Variants in RGS22 observed in about 807,000 individuals in gnomAD.
RGS22 encodes regulator of G-protein signaling 22.
Under a neutral mutation model 172.9 loss-of-function variants are expected in RGS22, and 148 were observed. The observed-to-expected ratio is 0.86, with a 90% confidence interval of 0.75 to 0.98. The LOEUF is 0.98. RGS22 is among the 50% of genes least tolerant of loss of function. The pLI is 0.00. For synonymous variants in RGS22, 458 were observed against 480.2 expected (o/e 0.95, Z 0.60); for missense variants, 1,347 against 1,440.8 (o/e 0.93, Z 1.05).
At chr8:99,994,302 G>A (rs937615055) in intron 20 of RGS22, among the ~76,000 whole-genome samples, 17 of 152,198 alleles carry the variant, frequency 1.1e-4, no homozygotes, top group African/African-American at 3.9e-4. Flanking sequence ...GGGTATTCAA[G>A]TAGGAAAAGA....
intron 11 of RGS22, 29 bp from the exon 12 acceptor site, chr8:100,041,945 A>G: frequency 7.0e-7 from 1 of 1,431,738 alleles, no homozygotes; most frequent in Non-Finnish European, 9.8e-7. Flanking sequence ...AACTAAAATT[A>G]TAAGAATGAG....
intron 15 of RGS22, among the ~76,000 whole-genome samples, chr8:100,006,634 C>T (rs1815752024): frequency 6.6e-6 from 1 of 152,186 alleles, no homozygotes; most frequent in African/African-American, 2.4e-5. Context: ...AGACCATTTT[C>T]TATTTCTCTA....
At chr8:100,097,136 C>T (rs1813039165) in intron 2 of RGS22, among the ~76,000 whole-genome samples, 1 of 152,100 alleles carries the variant, frequency 6.6e-6, no homozygotes, top group Non-Finnish European at 1.5e-5. Context: ...AGCAAGACAG[C>T]ATAGCAGGTG....
At position 100,106,012 on chromosome 8, in the gene RGS22, C is replaced by T; in HGVS notation, c.-91G>A. On this transcript the variant is annotated 5_prime_UTR_variant, in exon 1 of 28. Transcript: ENST00000360863. ...GCGGGTCAGGGCCTGAGCGACGCGGCGACGGCGCGCGGGCTCCGGAGCTAC... is the reference window on the plus strand; with the variant it reads ...GCGGGTCAGGGCCTGAGCGACGCGGTGACGGCGCGCGGGCTCCGGAGCTAC... 2.5e-6 allele frequency: 3 copies of T among 1,198,178 alleles called. No homozygotes were observed. Among genetic ancestry groups the T allele is most frequent in the Non-Finnish European group, 3.1e-6 (3 of 966,884 alleles). The allele number at this position is 1,198,178 out of a possible 1,614,324, so 74.2% of individuals were successfully genotyped here. A position where few individuals can be genotyped will look rare whatever the true frequency, so the allele number is the denominator to read the frequency against.
At chr8:100,043,284 G>A (rs548540979) in intron 11 of RGS22, among the ~76,000 whole-genome samples, 17 of 151,998 alleles carry the variant, frequency 1.1e-4, no homozygotes, top group South Asian at 2.1e-4. Context: ...CCTCCTGCCC[G>A]TGGTTAATCT....
In RGS22 at chr8:99,987,607, T is replaced by C. The variant is rs1813244111; in HGVS notation, c.3031A>G (p.Lys1011Glu). 1.2e-6 allele frequency: 2 copies of C among 1,604,322 alleles called. No individual in the cohort carries two copies. Among genetic ancestry groups the C allele is most frequent in the African/African-American group, 2.7e-5 (2 of 74,776 alleles). Residue 1011 changes from lysine (K) to glutamate (E), a missense_variant, in exon 21 of 28, where the codon AAG becomes GAG. Coordinates refer to ENST00000360863, the MANE Select transcript of RGS22 (RefSeq NM_015668.5). ...KIGVWKPVES[K>E]WISSSCKIIA... Reference sequence around the variant, plus strand: ...ATTTTACAAGATGAAGAGATCCACTTACTCTCCACAGGCTGTCCAAAGCAG... The same window carrying C: ...ATTTTACAAGATGAAGAGATCCACTCACTCTCCACAGGCTGTCCAAAGCAG...
At chr8:100,103,275 A>G (rs888734538) in intron 2 of RGS22, among the ~76,000 whole-genome samples, 10 of 152,234 alleles carry the variant, frequency 6.6e-5, no homozygotes, top group Non-Finnish European at 1.5e-4. Context: ...ATTGGAGGCA[A>G]TGGTATCAGT....
intron 14 of RGS22, among the ~76,000 whole-genome samples, chr8:100,030,927 C>T (rs921496181): frequency 6.6e-6 from 1 of 151,766 alleles, no homozygotes; most frequent in Non-Finnish European, 1.5e-5. Flanking sequence ...GGGTAAAAGC[C>T]GAAATTAACA....
At chr8:100,028,074 T>TA (rs2131512002) in intron 14 of RGS22, among the ~76,000 whole-genome samples, 2 of 152,162 alleles carry the variant, frequency 1.3e-5, no homozygotes, top group African/African-American at 4.8e-5. Flanking sequence ...TTGGTAGATG[T>TA]GGGGGGTCTT....
intron 18 of RGS22, among the ~76,000 whole-genome samples, chr8:100,000,666 C>G (rs1588945074): frequency 6.6e-6 from 1 of 152,118 alleles, no homozygotes; most frequent in Non-Finnish European, 1.5e-5. Flanking sequence ...CATGAGATAC[C>G]ATGAAACCTC....
In RGS22 at chr8:100,047,556, T is replaced by C. The variant is rs756281626; in HGVS notation, c.1730A>G (p.Asn577Ser). The change falls in exon 11 of 28, where the codon AAT (asparagine) becomes AGT (serine). Residue 577 changes from asparagine (N) to serine (S), a missense_variant. Coordinates refer to ENST00000360863, the MANE Select transcript of RGS22 (RefSeq NM_015668.5). ...TGCTGTTTTTACTTCAGGTGATTTA[T>C]TGGGAGATTTAGGAGGTTGTGATAA... ...FSLSQPPKSPNKSPEVKTATQ... is the reference protein window; with the variant it reads ...FSLSQPPKSPSKSPEVKTATQ... The C allele has an allele frequency of 2.5e-6, 4 of 1,613,018 alleles. No homozygotes were observed. In the African/African-American group the frequency reaches 5.3e-5, roughly 22 times the overall value.
At chr8:99,975,930 C>G (rs1314506041) in intron 23 of RGS22, among the ~76,000 whole-genome samples, 1 of 152,146 alleles carries the variant, frequency 6.6e-6, no homozygotes, top group Non-Finnish European at 1.5e-5. Flanking sequence ...TGGCTCAAAC[C>G]TGTAATCCAA....
At chr8:99,989,894 A>AGATG (rs1190733189) in intron 20 of RGS22, among the ~76,000 whole-genome samples, 2 of 151,444 alleles carry the variant, frequency 1.3e-5, no homozygotes, top group Non-Finnish European at 2.9e-5. Flanking sequence ...ATAGATAGAT[A>AGATG]GATAGATAGA....
intron 3 of RGS22, among the ~76,000 whole-genome samples, chr8:100,090,501 A>G (rs1387077388): frequency 6.6e-6 from 1 of 152,172 alleles, no homozygotes; most frequent in Non-Finnish European, 1.5e-5. Flanking sequence ...TTGGAATTCA[A>G]TCTGTAGGTT....
chr8:99,985,146 C>G (rs886449628), intron 21 of RGS22, among the ~76,000 whole-genome samples: 9 of 152,178 alleles, frequency 5.9e-5, no homozygotes, highest in Admixed American at 5.9e-4. Context: ...GATTCAAAGT[C>G]TAGCTCTACC....
intron 14 of RGS22, among the ~76,000 whole-genome samples, chr8:100,025,522 A>G (rs1589003350): frequency 6.6e-6 from 1 of 152,214 alleles, no homozygotes; most frequent in East Asian, 1.9e-4. Context: ...TGCTGAATAG[A>G]GAAATAATGA....
Position 100,008,467 on chromosome 8 carries a change from C to G in RGS22, c.2269G>C (p.Asp757His). 6.2e-7 allele frequency: 1 copy of G among 1,613,712 alleles called. No homozygotes were observed. The highest frequency in any genetic ancestry group is 1.1e-5 in the South Asian group (1 of 90,978). Residue 757 changes from aspartate (D) to histidine (H), a missense_variant, in exon 15 of 28, where the codon GAC (aspartate) becomes CAC (histidine). Transcript: ENST00000360863. ...IYMKIQPPFE[D>H]LFDTAEEYIL... ...TATTCCTCTGCTGTGTCAAAAAGGT[C>G]TTCAAATGGTGGCTGTATTTTCATA...
chr8:100,072,159 A>C lies in RGS22; in HGVS notation c.411T>G (p.Cys137Trp). The C allele has an allele frequency of 6.3e-7, 1 of 1,595,166 alleles. No homozygotes were observed. The highest frequency in any genetic ancestry group is 8.6e-7 in the Non-Finnish European group (1 of 1,167,840). ...ERLPAFLESD[C>W]YFEYRLAKLV... ...GACTATAGTACCTGTATTCAAAGTA[A>C]CAATCACTTTCCAGAAATGCTGGAA... The change falls in exon 5 of 28, where the codon TGT becomes TGG. Residue 137 changes from cysteine to tryptophan, a missense_variant. Transcript: ENST00000360863.
At chr8:100,028,608 A>G (rs1394638644) in intron 14 of RGS22, among the ~76,000 whole-genome samples, 1 of 152,186 alleles carries the variant, frequency 6.6e-6, no homozygotes, top group East Asian at 1.9e-4. Context: ...CTAATTTCTC[A>G]TCTTGGAAAT....
Sources: allele counts gnomAD v4.1 joint callset (sites outside exome capture counted in the v4.1 genomes callset), GRCh38; gene constraint gnomAD v4.1.1; transcripts MANE v1.5; gene names NCBI Gene and HGNC (gene_info 2026-07-23, HGNC 2026-07-21).